INTS4: variants seen among roughly 807,000 people sequenced by gnomAD.
INTS4 encodes the protein integrator complex subunit 4, also known as MSTP093.
Under a neutral mutation model 119.5 loss-of-function variants are expected in INTS4, and 70 were observed. That is an observed-to-expected ratio of 0.59 (90% CI 0.48 to 0.71). The LOEUF (loss-of-function observed/expected upper bound fraction) is 0.71, where lower values mean the gene tolerates loss of function less well. INTS4 is among the 30% of genes least tolerant of loss of function. The probability of loss-of-function intolerance (pLI) is 0.00; values close to 1 mark genes in which losing one functional copy is unlikely to be tolerated. For synonymous variants in INTS4, 316 were observed against 419.6 expected (o/e 0.75, Z 3.02); for missense variants, 867 against 1,173.2 (o/e 0.74, Z 3.81).
chr11:77,933,495 G>T (rs892094161), intron 10 of INTS4, among the ~76,000 whole-genome samples: 1 of 152,202 alleles, frequency 6.6e-6, no homozygotes, highest in Non-Finnish European at 1.5e-5. Context: ...TGAGGTGCTG[G>T]GATTGCAGAC....
At chr11:77,874,520 T>C (rs1951545920), downstream of INTS4, among the ~76,000 whole-genome samples, 3 of 152,250 alleles carry the variant, frequency 2.0e-5, no homozygotes, top group South Asian at 6.2e-4. Context: ...TATCTGTCAG[T>C]GACATTATTA....
At chr11:77,949,976 ATCAATGATAGACTGG>A (rs911482481) in intron 8 of INTS4, among the ~76,000 whole-genome samples, 10 of 152,248 alleles carry the variant, frequency 6.6e-5, no homozygotes, top group African/African-American at 2.4e-4. Context: ...CCAAAGGCCC[ATCAATGATAGACTGG>A]ACAAAGAAAA....
intron 15 of INTS4, among the ~76,000 whole-genome samples, chr11:77,913,714 G>T (rs1179948556): frequency 6.6e-6 from 1 of 152,098 alleles, no homozygotes; most frequent in Non-Finnish European, 1.5e-5. Context: ...AATAATCTTC[G>T]CAACAGTTCT....
intron 8 of INTS4, among the ~76,000 whole-genome samples, chr11:77,954,283 T>TA (rs972894498): frequency 6.6e-6 from 1 of 151,714 alleles, no homozygotes; most frequent in African/African-American, 2.4e-5. Flanking sequence ...AACAGCATTT[T>TA]AAAAAAAAAA....
chr11:77,953,138 C>T (rs1954235575), intron 8 of INTS4, among the ~76,000 whole-genome samples: 1 of 152,118 alleles, frequency 6.6e-6, no homozygotes, highest in African/African-American at 2.4e-5. Flanking sequence ...GCAAATACTC[C>T]CATAAATACT....
intron 15 of INTS4, among the ~76,000 whole-genome samples, chr11:77,909,486 C>T (rs559818277): frequency 9.8e-5 from 15 of 152,314 alleles, no homozygotes; most frequent in Non-Finnish European, 1.9e-4. Flanking sequence ...AAGTCACAAA[C>T]GAGCTCCCTT....
chr11:77,895,239 AT>A (rs1344817807), intron 18 of INTS4, among the ~76,000 whole-genome samples: 3 of 152,086 alleles, frequency 2.0e-5, no homozygotes, highest in African/African-American at 7.2e-5. Context: ...TCTGCATGAA[AT>A]TTCCCACTTG....
chr11:77,978,913 G>A, intron 4 of INTS4, 83 bp downstream of exon 4: 3 of 762,990 alleles, frequency 3.9e-6, no homozygotes, highest in Non-Finnish European at 4.5e-6. Flanking sequence ...AAAAAAATAA[G>A]GCAGCTCCTA....
Position 77,883,154 on chromosome 11 carries a change from T to A in INTS4, c.2713+678A>T, listed in dbSNP as rs117767478. The stretch of plus-strand genomic sequence containing the variant: ...GAGTGAAAGAAAATTCCAAAAGGCA[T>A]TCCCTATCTCTAAAATAAACCAAAT... On this transcript the variant is annotated intron_variant, in intron 22 of 22. Coordinates refer to ENST00000534064, the MANE Select transcript of INTS4 (RefSeq NM_033547.4). Among the ~76,000 whole-genome samples, 1,039 of 152,170 alleles carry A rather than the reference T, an allele frequency of 6.8e-3. 11 individuals are homozygous for A. The highest frequency in any genetic ancestry group is 6.7e-3 in the Non-Finnish European group (459 of 68,002).
rs541072550 is a variant in INTS4, at chr11:77,947,324, T to G, written c.919-6073A>C. Reference sequence around the variant, plus strand: ...GGAAGTTCAAAGGTTCACAATTACATTCAACCCAAAAAGATCCTCTCCAAG... The same window carrying G: ...GGAAGTTCAAAGGTTCACAATTACAGTCAACCCAAAAAGATCCTCTCCAAG... On this transcript the variant is annotated intron_variant, in intron 8 of 22. Coordinates refer to ENST00000534064, the MANE Select transcript of INTS4 (RefSeq NM_033547.4). Among the ~76,000 whole-genome samples the G allele has an allele frequency of 1.6e-4, 24 of 152,252 alleles. No individual in the cohort carries two copies. In the South Asian group the frequency reaches 2.5e-3, roughly 16 times the overall value.
intron 18 of INTS4, among the ~76,000 whole-genome samples, chr11:77,896,479 CCT>C (rs949954845): frequency 3.3e-5 from 5 of 151,834 alleles, no homozygotes; most frequent in African/African-American, 9.7e-5. Context: ...ATGGAGAAAC[CCT>C]GTCTCTACTA....
chr11:77,961,872 T>G (rs1954485245), intron 4 of INTS4, among the ~76,000 whole-genome samples: 1 of 152,262 alleles, frequency 6.6e-6, no homozygotes. Context: ...CGTTGATGAA[T>G]ATTTAAGTTA....
intron 1 of INTS4, among the ~76,000 whole-genome samples, chr11:77,992,818 T>A (rs1037776898): frequency 6.6e-6 from 1 of 152,212 alleles, no homozygotes; most frequent in African/African-American, 2.4e-5. Context: ...TTATTAAACA[T>A]AACTTTATTA....
intron 10 of INTS4, among the ~76,000 whole-genome samples, chr11:77,935,763 G>T (rs530310752): frequency 2.6e-5 from 4 of 152,020 alleles, no homozygotes; most frequent in Non-Finnish European, 5.9e-5. Flanking sequence ...AGGTGTGGTG[G>T]TGTCCACCTG....
chr11:77,951,782 T>C (rs11237331), intron 8 of INTS4, among the ~76,000 whole-genome samples: 88,227 of 151,920 alleles, frequency 0.58, 25,854 homozygotes, highest in African/African-American at 0.61. Flanking sequence ...AGGGCTAATA[T>C]CCCGAATCTA....
chr11:77,987,763 C>G (rs1426629069), intron 2 of INTS4: 1 of 391,802 alleles, frequency 2.6e-6, no homozygotes, highest in Non-Finnish European at 5.1e-6. Flanking sequence ...GGTCCCAGCT[C>G]CTCAGGAGGC....
chr11:77,975,996 C>A (rs923144641), intron 4 of INTS4, among the ~76,000 whole-genome samples: 7 of 146,954 alleles, frequency 4.8e-5, no homozygotes, highest in South Asian at 2.1e-4. Context: ...TTAAAAAAAA[C>A]ACACACACAC....
Position 77,907,812 on chromosome 11 carries a change from T to C in INTS4, c.1923-2A>G, listed in dbSNP as rs1457640708. ...AGTTCTCCAAGTCTTTGCAGATCCC[T>C]ATAGTAAATAAAACCCCCAAGGCAA... On this transcript the variant is annotated splice_acceptor_variant, in intron 15 of 22. Coordinates refer to ENST00000534064, the MANE Select transcript of INTS4 (RefSeq NM_033547.4). LOFTEE classifies it high-confidence loss of function. The C allele has an allele frequency of 1.2e-6, 2 of 1,600,572 alleles. No individual in the cohort carries two copies. Among genetic ancestry groups the C allele is most frequent in the East Asian group, 2.2e-5 (1 of 44,696 alleles).
Position 77,941,200 on chromosome 11 carries a change from T to A in INTS4, c.970A>T (p.Lys324Ter). ...GGTACCCTCAGATCTGACATCAGCT[T>A]CTTGTCAAGGGTCTGCTCCAAGAAA... ...SHFLEQTLDK[K>*]LMSDLRRKRT... Residue 324 changes from lysine (K) to a stop codon, truncating the protein, a stop_gained, in exon 9 of 23, where the codon AAG (lysine) becomes TAG (stop). Coordinates refer to ENST00000534064, the MANE Select transcript of INTS4 (RefSeq NM_033547.4). LOFTEE classifies it high-confidence loss of function. The A allele has an allele frequency of 6.2e-7, 1 of 1,613,210 alleles. No homozygotes were observed. The highest frequency in any genetic ancestry group is 2.2e-5 in the East Asian group (1 of 44,862).
Sources: allele counts gnomAD v4.1 joint callset (sites outside exome capture counted in the v4.1 genomes callset), GRCh38; gene constraint gnomAD v4.1.1; transcripts MANE v1.5; gene names NCBI Gene and HGNC (gene_info 2026-07-23, HGNC 2026-07-21).